The following CCDC102A variants were observed in gnomAD, a reference collection of about 807,000 sequenced individuals.
The protein encoded by CCDC102A is coiled-coil domain containing 102A.
In CCDC102A, 40 loss-of-function variants were observed where a neutral mutation model predicts 55.5. The ratio of observed to expected loss-of-function variants is 0.72; its 90% CI spans 0.56 to 0.94. CCDC102A has a LOEUF of 0.94. Ranked by LOEUF, CCDC102A falls within the 40% of genes least tolerant of loss-of-function variation. The pLI is 0.00. For missense variants in CCDC102A, 779 were observed against 768.6 expected, an observed-to-expected ratio of 1.01 and a Z score of -0.16; for synonymous variants, 323 against 339.0, an observed-to-expected ratio of 0.95 and a Z score of 0.52.
rs138815144 is a variant in CCDC102A, at chr16:57,518,170, G to A, written c.1146C>T (p.Val382=). ...GGGCCAGCGCCTCCTCCAGGTCTCCGACCTGTGCCCGCAGCTTCTTGTTCT... is the reference window on the plus strand; with the variant it reads ...GGGCCAGCGCCTCCTCCAGGTCTCCAACCTGTGCCCGCAGCTTCTTGTTCT... ...ERENKKLRAQ[V]GDLEEALARR... The change falls in exon 6 of 9, where the codon GTC becomes GTT. Residue 382 remains valine, a synonymous_variant. Transcript: ENST00000258214. The A allele has an allele frequency of 1.2e-5, 20 of 1,612,184 alleles. No homozygotes were observed. Among genetic ancestry groups the A allele is most frequent in the Non-Finnish European group, 1.5e-5 (18 of 1,179,882 alleles).
chr16:57,526,018 T>G lies in CCDC102A; in HGVS notation c.695A>C (p.Gln232Pro). ...AGGPRGSSGR[Q>P]ERSRLPWEDT... Reference sequence around the variant, plus strand: ...CTCCCAGGGTAGCCGGCTGCGCTCCTGGCGGCCTGAGCTGCCCCGCGGGCC... The same window carrying G: ...CTCCCAGGGTAGCCGGCTGCGCTCCGGGCGGCCTGAGCTGCCCCGCGGGCC... The change falls in exon 3 of 9, where the codon CAG (glutamine) becomes CCG (proline). Residue 232 changes from glutamine (Q) to proline (P), a missense_variant. Physicochemically the swap from Gln to Pro is moderately conservative, Grantham distance 76. Coordinates refer to ENST00000258214, the MANE Select transcript of CCDC102A (RefSeq NM_033212.4). The G allele has an allele frequency of 1.2e-6, 2 of 1,604,860 alleles. No individual in the cohort carries two copies. The highest frequency in any genetic ancestry group is 1.7e-6 in the Non-Finnish European group (2 of 1,176,702).
chr16:57,527,395 C>A (rs2032154861), intron 2 of CCDC102A, among the ~76,000 whole-genome samples: 1 of 151,102 alleles, frequency 6.6e-6, no homozygotes, highest in African/African-American at 2.4e-5. Flanking sequence ...CAAGTTGTCA[C>A]CGGCTGGCAG....
Position 57,518,745 on chromosome 16 carries a change from C to T in CCDC102A, c.922-4G>A. 2 of 1,595,198 alleles carry T rather than the reference C, an allele frequency of 1.3e-6. No individual in the cohort carries two copies. The highest frequency in any genetic ancestry group is 1.7e-4 in the Middle Eastern group (1 of 5,996). ...GCGCCTCCTTCAGGATGCTGAGCTG[C>T]AGGGATAAGGCCCCACCTGGTCATG... On this transcript the variant is annotated splice_region_variant and splice_polypyrimidine_tract_variant and intron_variant, in intron 4 of 8. Coordinates refer to ENST00000258214, the MANE Select transcript of CCDC102A (RefSeq NM_033212.4).
intron 6 of CCDC102A, among the ~76,000 whole-genome samples, chr16:57,517,185 C>A (rs2031969969): frequency 6.6e-6 from 1 of 152,078 alleles, no homozygotes; most frequent in African/African-American, 2.4e-5. Context: ...TACCACATCC[C>A]CCCGCTCACT....
At chr16:57,512,934 G>T in intron 8 of CCDC102A, 64 bp from the exon 9 acceptor site, 2 of 1,433,584 alleles carry the variant, frequency 1.4e-6, no homozygotes, top group Non-Finnish European at 1.9e-6. Flanking sequence ...TAAGGTGGCT[G>T]CAGCTGGTGC....
intron 8 of CCDC102A, 116 bp downstream of exon 8, chr16:57,515,225 C>A: frequency 2.8e-6 from 2 of 709,570 alleles, no homozygotes; most frequent in South Asian, 3.2e-5. Flanking sequence ...TGGCTCCAGG[C>A]ACCTGGATCT....
In CCDC102A at chr16:57,528,720, C is replaced by T. The variant is rs757839319; in HGVS notation, c.458G>A (p.Arg153Gln). The change falls in exon 2 of 9, where the codon CGG becomes CAG. Residue 153 changes from arginine to glutamine, a missense_variant. Arg to Gln is a conservative substitution (Grantham distance 43). Transcript: ENST00000258214. The part of the protein sequence containing the change: ...RQEAQGECEA[R>Q]GRELARLRGA... ...CCTCAGCCGCGCCAGCTCGCGGCCC[C>T]GTGCCTCGCACTCGCCCTGCGCCTC... 5.3e-6 allele frequency: 6 copies of T among 1,141,954 alleles called. No homozygotes were observed. The highest frequency in any genetic ancestry group is 2.6e-5 in the South Asian group (1 of 38,072). The allele number at this position is 1,141,954 out of a possible 1,614,324, so 70.7% of individuals were successfully genotyped here.
intron 7 of CCDC102A, among the ~76,000 whole-genome samples, chr16:57,515,976 T>G (rs1209697004): frequency 6.6e-6 from 1 of 152,010 alleles, no homozygotes; most frequent in East Asian, 1.9e-4. Context: ...TGTTCATACA[T>G]CCATTGGATC....
At chr16:57,531,544 A>G (rs778660903) in intron 1 of CCDC102A, among the ~76,000 whole-genome samples, 6 of 152,202 alleles carry the variant, frequency 3.9e-5, no homozygotes, top group Non-Finnish European at 7.3e-5. Context: ...AGCAACAGCC[A>G]GAGTGAGTTC....
chr16:57,518,222 T>G lies in CCDC102A; in HGVS notation c.1094A>C (p.Glu365Ala). Residue 365 changes from glutamate to alanine, a missense_variant, in exon 6 of 9, where the codon GAG becomes GCG. Glu to Ala is a moderately radical substitution (Grantham distance 107). Transcript: ENST00000258214. ...CCGCTCAAGGCCCAGTTTCTCTGTC[T>G]CCAGCCGCTCCCGGCGGCCCCACTC... ...AAEWGRRERL[E>A]TEKLGLEREN... 1 of 1,611,984 alleles carries G rather than the reference T, an allele frequency of 6.2e-7. No individual in the cohort carries two copies. The highest frequency in any genetic ancestry group is 1.1e-5 in the South Asian group (1 of 91,092).
Position 57,528,865 on chromosome 16 carries a change from G to A in CCDC102A, c.313C>T (p.Arg105Cys). 1 of 1,356,592 alleles carries A rather than the reference G, an allele frequency of 7.4e-7. No individual in the cohort carries two copies. The highest frequency in any genetic ancestry group is 9.6e-7 in the Non-Finnish European group (1 of 1,046,146). The allele number at this position is 1,356,592 out of a possible 1,614,324, so 84.0% of individuals were successfully genotyped here. Reference sequence around the variant, plus strand: ...GCGCGCACCTTGCTCCATTTCTCGCGCCAATTGGCAGTGCAGTCCGACCAC... The same window carrying A: ...GCGCGCACCTTGCTCCATTTCTCGCACCAATTGGCAGTGCAGTCCGACCAC... Reference protein sequence around the residue: ...RRWSDCTANWREKWSKVRAER... With the variant: ...RRWSDCTANWCEKWSKVRAER... The change falls in exon 2 of 9, where the codon CGC (arginine) becomes TGC (cysteine). Residue 105 changes from arginine (R) to cysteine (C), a missense_variant. By Grantham distance (180) the Arg-to-Cys change is radical (BLOSUM62 -3). Coordinates refer to ENST00000258214, the MANE Select transcript of CCDC102A (RefSeq NM_033212.4).
At chr16:57,531,000 C>G (rs1466424650) in intron 1 of CCDC102A, among the ~76,000 whole-genome samples, 3 of 151,896 alleles carry the variant, frequency 2.0e-5, no homozygotes, top group African/African-American at 7.3e-5. Flanking sequence ...TCCAGCTGCT[C>G]GTCAGCCTCC....
chr16:57,514,117 C>G (rs1445683920), intron 8 of CCDC102A, among the ~76,000 whole-genome samples: 1 of 152,204 alleles, frequency 6.6e-6, no homozygotes, highest in African/African-American at 2.4e-5. Flanking sequence ...AAATATAAGC[C>G]CCTCCGCAGC....
rs1219634315 is a variant in CCDC102A, at chr16:57,512,312, T to C, written c.*429A>G. 6 of 398,242 alleles carry C rather than the reference T, an allele frequency of 1.5e-5. No homozygotes were observed. Among genetic ancestry groups the C allele is most frequent in the Non-Finnish European group, 2.2e-5 (5 of 226,056 alleles). The allele number at this position is 398,242 out of a possible 1,614,324, so 24.7% of individuals were successfully genotyped here. A position where few individuals can be genotyped will look rare whatever the true frequency, so the allele number is the denominator to read the frequency against. Reference sequence around the variant, plus strand: ...TTTCAGATGCCCCAAGAACTTGAACTTCATTTATTACAAATAACTGGGTTC... The same window carrying C: ...TTTCAGATGCCCCAAGAACTTGAACCTCATTTATTACAAATAACTGGGTTC... On this transcript the variant is annotated 3_prime_UTR_variant, in exon 9 of 9. Transcript: ENST00000258214.
At chr16:57,526,155 C>T (rs2032139133) in intron 2 of CCDC102A, 28 bp from the exon 3 acceptor site, 2 of 1,484,790 alleles carry the variant, frequency 1.3e-6, no homozygotes, top group African/African-American at 2.8e-5. Context: ...GAGGCTGGAC[C>T]AGTGGCCGCC....
At chr16:57,515,864 C>G (rs1186387079) in intron 7 of CCDC102A, among the ~76,000 whole-genome samples, 1 of 151,524 alleles carries the variant, frequency 6.6e-6, no homozygotes, top group East Asian at 1.9e-4. Context: ...CCTATCTTCC[C>G]GTCAACCTGG....
In CCDC102A at chr16:57,526,026, T is replaced by A. The variant is rs2032135214; in HGVS notation, c.687A>T (p.Ser229=). ...GTAGCCGGCTGCGCTCCTGGCGGCC[T>A]GAGCTGCCCCGCGGGCCCCCAGCCC... ...SLGAGGPRGS[S]GRQERSRLPW... The change falls in exon 3 of 9, where the codon TCA becomes TCT. Residue 229 remains serine, a synonymous_variant. Coordinates refer to ENST00000258214, the MANE Select transcript of CCDC102A (RefSeq NM_033212.4). 1 of 1,601,042 alleles carries A rather than the reference T, an allele frequency of 6.2e-7. No individual in the cohort carries two copies. Among genetic ancestry groups the A allele is most frequent in the Non-Finnish European group, 8.5e-7 (1 of 1,175,232 alleles).
At position 57,529,193 on chromosome 16, in the gene CCDC102A, G is replaced by A; in HGVS notation, c.-16C>T. On this transcript the variant is annotated 5_prime_UTR_variant, in exon 2 of 9. Transcript: ENST00000258214. This position sits in a 1 kb window ranked among gnomAD's most constrained non-coding sequence, Gnocchi z 4.1. ...CGTGGCTCATGGTGCGGCCGGGCGG[G>A]CCCTGAGCTCGAACTCGCGGTCGGG... 2 of 1,176,614 alleles carry A rather than the reference G, an allele frequency of 1.7e-6. No individual in the cohort carries two copies. The highest frequency in any genetic ancestry group is 4.2e-5 in the South Asian group (1 of 23,890). The allele number at this position is 1,176,614 out of a possible 1,614,324, so 72.9% of individuals were successfully genotyped here. A position where few individuals can be genotyped will look rare whatever the true frequency, so the allele number is the denominator to read the frequency against.
chr16:57,531,162 C>T (rs2032253086), intron 1 of CCDC102A, among the ~76,000 whole-genome samples: 1 of 152,096 alleles, frequency 6.6e-6, no homozygotes, highest in African/African-American at 2.4e-5. Context: ...GCTTCCCATA[C>T]CTCCAACCGG....
Sources: allele counts gnomAD v4.1 joint callset (sites outside exome capture counted in the v4.1 genomes callset), GRCh38; gene constraint gnomAD v4.1.1; non-coding constraint Gnocchi (gnomAD v3.1); transcripts MANE v1.5; gene names NCBI Gene and HGNC (gene_info 2026-07-23, HGNC 2026-07-21).